KCNMB4: variants seen among roughly 807,000 people sequenced by gnomAD.
KCNMB4 encodes calcium-activated potassium channel subunit beta-4.
A neutral mutation model predicts 20.7 loss-of-function variants in KCNMB4; 3 were observed. The observed-to-expected ratio is 0.14, with a 90% CI of 0.07 to 0.37. The LOEUF (loss-of-function observed/expected upper bound fraction) is 0.37, where lower values mean the gene tolerates loss of function less well. KCNMB4 is among the 10% of genes least tolerant of loss of function. The pLI, the probability that KCNMB4 is intolerant of heterozygous loss-of-function variation, is 1.00. For synonymous variants in KCNMB4, 110 were observed against 113.4 expected, an observed-to-expected ratio of 0.97 and a Z score of 0.19; for missense variants, 168 against 265.9, an observed-to-expected ratio of 0.63 and a Z score of 2.56.
chr12:70,393,593 T>C (rs1358894784), intron 1 of KCNMB4, among the ~76,000 whole-genome samples: 1 of 152,170 alleles, frequency 6.6e-6, no homozygotes, highest in Non-Finnish European at 1.5e-5. Context: ...TAACCAACCT[T>C]AGCAGTCTGC....
intron 1 of KCNMB4, among the ~76,000 whole-genome samples, chr12:70,372,082 G>A (rs892023401): frequency 2.0e-5 from 3 of 152,194 alleles, no homozygotes; most frequent in Non-Finnish European, 4.4e-5. Flanking sequence ...AATGAATCAT[G>A]TGGCTATCTG....
chr12:70,408,155 A>T lies in KCNMB4; in HGVS notation c.464+7819A>T, dbSNP rs564343719. 5.9e-5 allele frequency among the ~76,000 whole-genome samples: 9 copies of T among 152,140 alleles called. No individual in the cohort carries two copies. The South Asian group carries it at 1.9e-3, about 32-fold the overall frequency. Reference sequence around the variant, plus strand: ...GGGTGGTCTATCACAGCCCAGCAGCACTCAAGACAGGATTTTTCAGCGACT... The same window carrying T: ...GGGTGGTCTATCACAGCCCAGCAGCTCTCAAGACAGGATTTTTCAGCGACT... On this transcript the variant is annotated intron_variant, in intron 2 of 2. Coordinates refer to ENST00000258111, the MANE Select transcript of KCNMB4 (RefSeq NM_014505.6).
At chr12:70,375,128 A>C (rs1055424656) in intron 1 of KCNMB4, among the ~76,000 whole-genome samples, 3 of 152,052 alleles carry the variant, frequency 2.0e-5, no homozygotes, top group Admixed American at 1.3e-4. Flanking sequence ...TTTATTCTGG[A>C]GTTTTTTGTT....
chr12:70,374,794 C>T (rs1320322412), intron 1 of KCNMB4, among the ~76,000 whole-genome samples: 1 of 152,120 alleles, frequency 6.6e-6, no homozygotes, highest in Non-Finnish European at 1.5e-5. Context: ...ATCAAATGGA[C>T]TTTGAAACCT....
chr12:70,380,422 G>A (rs1883762465), intron 1 of KCNMB4, among the ~76,000 whole-genome samples: 1 of 152,074 alleles, frequency 6.6e-6, no homozygotes, highest in East Asian at 1.9e-4. Context: ...ACCAAAATGT[G>A]GCACAGAGAC....
intron 2 of KCNMB4, among the ~76,000 whole-genome samples, chr12:70,413,906 T>C (rs1043555883): frequency 6.6e-6 from 1 of 152,196 alleles, no homozygotes; most frequent in Non-Finnish European, 1.5e-5. Flanking sequence ...TGGGGAGCTA[T>C]TGCTCAATGG....
At chr12:70,384,255 C>T (rs539651055) in intron 1 of KCNMB4, among the ~76,000 whole-genome samples, 12 of 152,290 alleles carry the variant, frequency 7.9e-5, no homozygotes, top group African/African-American at 2.4e-4. Flanking sequence ...ACCATAAATA[C>T]GATTTTTGAC....
chr12:70,407,702 C>G (rs892356088), intron 2 of KCNMB4, among the ~76,000 whole-genome samples: 1 of 151,644 alleles, frequency 6.6e-6, no homozygotes, highest in Non-Finnish European at 1.5e-5. Context: ...CTCCTGACCT[C>G]GTGATCCGCC....
In KCNMB4 at chr12:70,432,986, A is replaced by C. The variant is rs1869409025; in HGVS notation, c.*2333A>C. ...GCATTTACACTAAACGCTTCCATTT[A>C]TCCCGAAAAAGTATATGCAACTGTA... is the stretch of plus-strand genomic sequence containing the variant. On this transcript the variant is annotated 3_prime_UTR_variant, in exon 3 of 3. Transcript: ENST00000258111. 6.6e-6 allele frequency: 1 copy of C among 152,170 alleles called. No individual in the cohort carries two copies. The highest frequency in any genetic ancestry group is 1.5e-5 in the Non-Finnish European group (1 of 68,026). 9.4% of individuals were successfully genotyped at this position (152,170 alleles called of 1,614,324 possible).
At chr12:70,374,635 A>G (rs1014788850) in intron 1 of KCNMB4, among the ~76,000 whole-genome samples, 13 of 152,198 alleles carry the variant, frequency 8.5e-5, no homozygotes, top group African/African-American at 3.1e-4. Context: ...GGCCATTTTT[A>G]TAAATAAACT....
intron 2 of KCNMB4, among the ~76,000 whole-genome samples, chr12:70,416,774 A>G (rs995066249): frequency 8.5e-5 from 13 of 152,190 alleles, no homozygotes; most frequent in African/African-American, 3.1e-4. Context: ...TTACTATATA[A>G]TTTAGGGGTT....
At chr12:70,393,489 C>T (rs1406319166) in intron 1 of KCNMB4, among the ~76,000 whole-genome samples, 1 of 152,162 alleles carries the variant, frequency 6.6e-6, no homozygotes. Flanking sequence ...GTGTGAGCCA[C>T]CACGCCCCGC....
chr12:70,423,769 A>C (rs1329231502), intron 2 of KCNMB4, among the ~76,000 whole-genome samples: 1 of 152,112 alleles, frequency 6.6e-6, no homozygotes, highest in South Asian at 2.1e-4. Context: ...ACCACTGTGC[A>C]TGGCCACCTC....
intron 1 of KCNMB4, among the ~76,000 whole-genome samples, chr12:70,368,978 A>C (rs1358046660): frequency 3.3e-5 from 5 of 152,156 alleles, no homozygotes; most frequent in East Asian, 1.9e-4. Flanking sequence ...TCTTTTCTTT[A>C]TCTCTCTCTC....
intron 1 of KCNMB4, among the ~76,000 whole-genome samples, chr12:70,369,305 C>T (rs1178476473): frequency 2.0e-5 from 3 of 152,148 alleles, no homozygotes; most frequent in Admixed American, 2.0e-4. Context: ...TTCTTATAGG[C>T]AGTGTGATGG....
chr12:70,396,625 C>T lies in KCNMB4; in HGVS notation c.337-3584C>T, dbSNP rs1868354072. The stretch of plus-strand genomic sequence containing the variant: ...CTGGCCAAGAAAGTTTTCTTAAGTC[C>T]CTCTGTCCCTCAGTTTCCTCATCCA... On this transcript the variant is annotated intron_variant, in intron 1 of 2. Coordinates refer to ENST00000258111, the MANE Select transcript of KCNMB4 (RefSeq NM_014505.6). Among the ~76,000 whole-genome samples, 4 of 152,144 alleles carry T rather than the reference C, an allele frequency of 2.6e-5. No individual in the cohort carries two copies. The South Asian group carries it at 6.2e-4, about 24-fold the overall frequency.
At position 70,430,960 on chromosome 12, in the gene KCNMB4, G is replaced by C; in HGVS notation, c.*307G>C. On this transcript the variant is annotated 3_prime_UTR_variant, in exon 3 of 3. Transcript: ENST00000258111. Reference sequence around the variant, plus strand: ...AACAGTATATTATTTGTACAGTGTAGTATACAAACCATTATGATTTATGCT... The same window carrying C: ...AACAGTATATTATTTGTACAGTGTACTATACAAACCATTATGATTTATGCT... 4.9e-6 allele frequency: 1 copy of C among 202,892 alleles called. No homozygotes were observed. Among genetic ancestry groups the C allele is most frequent in the Admixed American group, 6.0e-5 (1 of 16,532 alleles). 12.6% of individuals were successfully genotyped at this position (202,892 alleles called of 1,614,324 possible).
chr12:70,410,335 C>T (rs2136135152), intron 2 of KCNMB4, among the ~76,000 whole-genome samples: 1 of 152,318 alleles, frequency 6.6e-6, no homozygotes, highest in African/African-American at 2.4e-5. Flanking sequence ...AACCTTCTCC[C>T]ACCTTTTCAG....
intron 1 of KCNMB4, among the ~76,000 whole-genome samples, chr12:70,387,106 G>GTT (rs556220560): frequency 6.8e-6 from 1 of 146,746 alleles, no homozygotes; most frequent in South Asian, 2.2e-4. Context: ...TATTTTTGTT[G>GTT]TTTTTTTTTT....
Sources: gnomAD v4.1 joint callset for allele counts (sites outside exome capture counted in the v4.1 genomes callset) on GRCh38, gnomAD v4.1.1 for gene constraint, MANE v1.5 for transcripts, NCBI Gene and HGNC (gene_info 2026-07-23, HGNC 2026-07-21) for gene names.